Variants in MEGF6 observed in about 807,000 individuals in gnomAD.
MEGF6 encodes multiple epidermal growth factor-like domains protein 6.
Under a neutral mutation model 207.1 loss-of-function variants are expected in MEGF6, and 184 were observed. The ratio of observed to expected loss-of-function variants is 0.89; its 90% CI spans 0.79 to 1.00. MEGF6 has a LOEUF of 1.00. Ranked by LOEUF, MEGF6 falls within the 50% of genes least tolerant of loss-of-function variation. MEGF6 has a pLI of 0.00. For missense variants in MEGF6, 2,282 were observed against 2,202.9 expected, an observed-to-expected ratio of 1.04 and a Z score of -0.72; for synonymous variants, 1,038 against 910.0, an observed-to-expected ratio of 1.14 and a Z score of -2.53.
At chr1:3,559,203 C>G (rs1041639311) in intron 4 of MEGF6, among the ~76,000 whole-genome samples, 1 of 152,174 alleles carries the variant, frequency 6.6e-6, no homozygotes, top group Non-Finnish European at 1.5e-5. Context: ...TAAGGCCATT[C>G]GGCATGGCAG....
At chr1:3,510,214 G>C (rs931165015) in intron 10 of MEGF6, among the ~76,000 whole-genome samples, 2 of 152,088 alleles carry the variant, frequency 1.3e-5, no homozygotes, top group African/African-American at 2.4e-5. Context: ...TGCTAGGGGG[G>C]GCCAGGCTGG....
rs780727028 is a variant in MEGF6 at position 3,493,782 on chromosome 1, G to A, written c.4376C>T (p.Thr1459Ile). The A allele has an allele frequency of 1.2e-6, 2 of 1,612,074 alleles. No individual in the cohort carries two copies. Among genetic ancestry groups the A allele is most frequent in the East Asian group, 2.2e-5 (1 of 44,876 alleles). ...GACCCCAGACTCACCCAGGTTACAG[G>A]TGGCTCCTGAGCGCCCTGGTGGGCA... ...CLCPPGRSGA[T>I]CNLDCRRGQF... Residue 1459 changes from threonine to isoleucine, a missense_variant, in exon 34 of 37, where the codon ACC (threonine) becomes ATC (isoleucine). Transcript: ENST00000356575.
Position 3,499,215 on chromosome 1 carries a change from A to C in MEGF6, c.3017T>G (p.Phe1006Cys). The C allele has an allele frequency of 1.2e-6, 2 of 1,605,686 alleles. No individual in the cohort carries two copies. The highest frequency in any genetic ancestry group is 2.2e-5 in the South Asian group (2 of 89,362). The change falls in exon 24 of 37, where the codon TTT (phenylalanine) becomes TGT (cysteine). Residue 1006 changes from phenylalanine to cysteine, a missense_variant. Transcript: ENST00000356575. ...GACAGGGTCACAGGAGGCCCCGTTAAAGCAGGCACAGGCCTGGCTGCAATT... is the reference window on the plus strand; with the variant it reads ...GACAGGGTCACAGGAGGCCCCGTTACAGCAGGCACAGGCCTGGCTGCAATT... ...GHNCSQACAC[F>C]NGASCDPVHG...
chr1:3,501,058 G>A lies in MEGF6; in HGVS notation c.2483C>T (p.Thr828Ile), dbSNP rs201394307. ...CCCATCATTGGCACAAGAGCACCTT[G>A]TCTGGCAGCTGGGACCATACCAGCC... ...PAGWYGPSCQ[T>I]RCSCANDGHC... The change falls in exon 20 of 37, where the codon ACA (threonine) becomes ATA (isoleucine). Residue 828 changes from threonine to isoleucine, a missense_variant. Physicochemically the swap from Thr to Ile is moderately conservative, Grantham distance 89. Coordinates refer to ENST00000356575, the MANE Select transcript of MEGF6 (RefSeq NM_001409.4). The A allele has an allele frequency of 1.7e-3, 2,730 of 1,612,678 alleles. 7 individuals carry two copies. The highest frequency in any genetic ancestry group is 2.2e-3 in the Non-Finnish European group (2,614 of 1,179,950).
At chr1:3,602,417 C>T (rs773590126) in intron 2 of MEGF6, 49 bp downstream of exon 2, 3 of 1,611,782 alleles carry the variant, frequency 1.9e-6, no homozygotes, top group South Asian at 2.2e-5. Context: ...GTCAGTGCCG[C>T]CCTTTGTGTG....
chr1:3,510,210 G>T (rs777694929), intron 10 of MEGF6, among the ~76,000 whole-genome samples: 2 of 152,118 alleles, frequency 1.3e-5, no homozygotes. Flanking sequence ...CACGTGCTAG[G>T]GGGGGCCAGG....
chr1:3,524,392 G>A (rs550526169), intron 4 of MEGF6, 146 bp from the exon 5 acceptor site: 43 of 1,045,020 alleles, frequency 4.1e-5, no homozygotes, highest in East Asian at 2.3e-4. Flanking sequence ...CACATCTGCC[G>A]GAGACGCAGC....
chr1:3,592,651 C>T (rs1383786043), intron 3 of MEGF6, among the ~76,000 whole-genome samples: 2 of 152,174 alleles, frequency 1.3e-5, no homozygotes, highest in Non-Finnish European at 2.9e-5. Context: ...CAGGCAGCAC[C>T]CCTCCCACCC....
intron 14 of MEGF6, 78 bp downstream of exon 14, chr1:3,507,717 G>A: frequency 6.3e-7 from 1 of 1,579,244 alleles, no homozygotes; most frequent in Non-Finnish European, 8.7e-7. Context: ...AGACAAGGAG[G>A]ACGTGGAGGG....
chr1:3,510,014 T>G (rs930991820), intron 10 of MEGF6, 22 bp from the exon 11 acceptor site: 2 of 1,575,954 alleles, frequency 1.3e-6, no homozygotes, highest in Non-Finnish European at 8.6e-7. Context: ...CCGGGACCAC[T>G]GAGGCCTGTG....
Position 3,489,673 on chromosome 1 carries a change from C to T in MEGF6, c.*855G>A, listed in dbSNP as rs543506982. 1.3e-3 allele frequency among the ~76,000 whole-genome samples: 197 copies of T among 152,298 alleles called. 1 individual carries two copies. Among genetic ancestry groups the T allele is most frequent in the Middle Eastern group, 3.4e-3 (1 of 294 alleles). On this transcript the variant is annotated 3_prime_UTR_variant, in exon 37 of 37. Coordinates refer to ENST00000356575, the MANE Select transcript of MEGF6 (RefSeq NM_001409.4). ...TTGCCCCTCCACACCAGCCCTCCTC[C>T]CCCTGGGCCATTCTCTGGGAACAGC...
At chr1:3,521,659 A>G (rs890610183) in intron 5 of MEGF6, among the ~76,000 whole-genome samples, 3 of 152,072 alleles carry the variant, frequency 2.0e-5, no homozygotes, top group Non-Finnish European at 4.4e-5. Flanking sequence ...TCAGGCCCCC[A>G]CAGAGAGCAG....
intron 10 of MEGF6, among the ~76,000 whole-genome samples, chr1:3,510,278 G>A (rs1010298468): frequency 3.9e-5 from 6 of 152,142 alleles, no homozygotes; most frequent in Admixed American, 6.5e-5. Flanking sequence ...AGGAGAGAGC[G>A]GCCAGTGACC....
In MEGF6 at chr1:3,507,892, G is replaced by A. The variant is rs1367395380; in HGVS notation, c.1692C>T (p.Cys564=). The A allele has an allele frequency of 3.7e-6, 6 of 1,612,682 alleles. No individual in the cohort carries two copies. The East Asian group carries it at 1.3e-4, about 36-fold the overall frequency. The stretch of plus-strand genomic sequence containing the variant: ...CATTCTGACAGCTGCAGGAGAAGCT[G>A]CAGTTCTTCCCAAAGGTGTCCGGAG... ...TCPPDTFGKN[C]SFSCSCQNGG... is the part of the protein sequence containing the mutation. The change falls in exon 14 of 37, where the codon TGC becomes TGT. Residue 564 remains cysteine, a synonymous_variant. Coordinates refer to ENST00000356575, the MANE Select transcript of MEGF6 (RefSeq NM_001409.4).
At chr1:3,539,791 C>A (rs1175576604) in intron 4 of MEGF6, among the ~76,000 whole-genome samples, 1 of 152,190 alleles carries the variant, frequency 6.6e-6, no homozygotes, top group African/African-American at 2.4e-5. Flanking sequence ...GGTCACCTTC[C>A]CAGGCCCAGG....
chr1:3,617,409 T>C, the MEGF6 span, among the ~76,000 whole-genome samples: 2 of 152,068 alleles, frequency 1.3e-5, no homozygotes, highest in Non-Finnish European at 2.9e-5. Context: ...ATGTTCTCAC[T>C]TATGAGTGGG....
intron 2 of MEGF6, among the ~76,000 whole-genome samples, chr1:3,600,085 G>A (rs2794329): frequency 2.6e-5 from 4 of 152,128 alleles, no homozygotes; most frequent in Admixed American, 1.3e-4. Flanking sequence ...CAGCTGCCCC[G>A]GCCTGGGCTG....
intron 3 of MEGF6, among the ~76,000 whole-genome samples, chr1:3,591,664 T>C (rs1001128059): frequency 7.8e-5 from 11 of 141,582 alleles, no homozygotes; most frequent in South Asian, 4.9e-4. Flanking sequence ...ACAAGGGACC[T>C]GATGGGGGCG....
intron 4 of MEGF6, among the ~76,000 whole-genome samples, chr1:3,555,254 A>C: frequency 6.9e-6 from 1 of 144,578 alleles, no homozygotes; most frequent in East Asian, 2.2e-4. Flanking sequence ...CTGGGCACGA[A>C]GAGGGTGTGA....
Sources: gnomAD v4.1 joint callset for allele counts (sites outside exome capture counted in the v4.1 genomes callset) on GRCh38, gnomAD v4.1.1 for gene constraint, MANE v1.5 for transcripts, NCBI Gene and HGNC (gene_info 2026-07-23, HGNC 2026-07-21) for gene names.